The following PTK2 variants were observed in gnomAD, a reference collection of about 807,000 sequenced individuals.
The protein encoded by PTK2 is focal adhesion kinase 1.
Under a neutral mutation model 150.1 loss-of-function variants are expected in PTK2, and 45 were observed. That is an observed-to-expected ratio of 0.30 (90% CI 0.24 to 0.38). The LOEUF is 0.38. Ranked by LOEUF, PTK2 falls within the 10% of genes least tolerant of loss-of-function variation. The pLI is 1.00. For synonymous variants in PTK2, 432 were observed against 449.2 expected (o/e 0.96, Z 0.48); for missense variants, 919 against 1,307.3 (o/e 0.70, Z 4.58).
At chr8:140,941,517 A>G (rs1420674367) in intron 1 of PTK2, among the ~76,000 whole-genome samples, 1 of 152,214 alleles carries the variant, frequency 6.6e-6, no homozygotes, top group Non-Finnish European at 1.5e-5. Flanking sequence ...TATCCTGAAG[A>G]TCGTAAAATG....
intron 14 of PTK2, among the ~76,000 whole-genome samples, chr8:140,780,829 G>A (rs562052803): frequency 1.3e-5 from 2 of 152,294 alleles, no homozygotes; most frequent in South Asian, 2.1e-4. Context: ...GATTATGTGT[G>A]TATGTAAGTG....
At chr8:140,748,144 C>T (rs1230443463) in intron 17 of PTK2, among the ~76,000 whole-genome samples, 2 of 152,126 alleles carry the variant, frequency 1.3e-5, no homozygotes, top group Non-Finnish European at 2.9e-5. Context: ...ATGGTTCCTG[C>T]ATCCACCACT....
At chr8:140,900,606 C>T (rs2100158067) in intron 2 of PTK2, among the ~76,000 whole-genome samples, 1 of 151,954 alleles carries the variant, frequency 6.6e-6, no homozygotes, top group African/African-American at 2.4e-5. Context: ...CCTGTAATCC[C>T]AGCTACTCGA....
chr8:140,817,734 G>A (rs1469250278), intron 10 of PTK2, among the ~76,000 whole-genome samples: 1 of 152,172 alleles, frequency 6.6e-6, no homozygotes, highest in Non-Finnish European at 1.5e-5. Flanking sequence ...AATAATACTT[G>A]TTGGAAGAAT....
chr8:140,822,556 G>T (rs2100109410), intron 8 of PTK2: 1 of 152,138 alleles, frequency 6.6e-6, no homozygotes, highest in South Asian at 2.1e-4. Flanking sequence ...TTCTAATCCA[G>T]AACTACTTGA....
chr8:140,793,799 A>G (rs1415859426), intron 12 of PTK2, among the ~76,000 whole-genome samples: 9 of 152,226 alleles, frequency 5.9e-5, no homozygotes, highest in Admixed American at 6.5e-5. Context: ...AAGGAAAACA[A>G]TTCTACAGGT....
intron 7 of PTK2, among the ~76,000 whole-genome samples, chr8:140,836,927 T>C (rs1349084999): frequency 6.6e-6 from 1 of 152,212 alleles, no homozygotes; most frequent in African/African-American, 2.4e-5. Flanking sequence ...GATGGTTCAT[T>C]TAAAATAATT....
At chr8:140,897,988 T>C (rs1047397241) in intron 2 of PTK2, among the ~76,000 whole-genome samples, 5 of 152,176 alleles carry the variant, frequency 3.3e-5, no homozygotes, top group Non-Finnish European at 7.3e-5. Context: ...TTTCAATAAA[T>C]TATCAAGGCA....
intron 2 of PTK2, among the ~76,000 whole-genome samples, chr8:140,907,154 T>C (rs1476941042): frequency 2.0e-5 from 3 of 152,164 alleles, no homozygotes; most frequent in African/African-American, 7.2e-5. Flanking sequence ...ATATTAGACA[T>C]TCCAACACAT....
intron 1 of PTK2, among the ~76,000 whole-genome samples, chr8:140,982,303 A>T (rs961199880): frequency 6.6e-6 from 1 of 152,244 alleles, no homozygotes; most frequent in African/African-American, 2.4e-5. Context: ...CTGCATCATT[A>T]AGATAGATAC....
At chr8:140,744,542 C>T in intron 19 of PTK2, 110 bp downstream of exon 22, 1 of 553,312 alleles carries the variant, frequency 1.8e-6, no homozygotes, top group South Asian at 4.2e-5. Context: ...CAAAACTGTA[C>T]CAAAGGGGAC....
intron 22 of PTK2, among the ~76,000 whole-genome samples, chr8:140,726,729 C>G (rs1047357847): frequency 1.3e-5 from 2 of 152,030 alleles, no homozygotes; most frequent in Non-Finnish European, 1.5e-5. Flanking sequence ...ATCTGCACCA[C>G]AAGAAATGCT....
intron 10 of PTK2, among the ~76,000 whole-genome samples, chr8:140,811,390 T>TAAAC (rs759409869): frequency 6.6e-6 from 1 of 152,008 alleles, no homozygotes; most frequent in Non-Finnish European, 1.5e-5. Flanking sequence ...TCAAATAGGA[T>TAAAC]AAACAAACAA....
intron 7 of PTK2, among the ~76,000 whole-genome samples, chr8:140,839,788 T>C (rs1598133523): frequency 6.6e-6 from 1 of 152,194 alleles, no homozygotes; most frequent in Admixed American, 6.5e-5. Context: ...TAGTGGCATA[T>C]ATTTTCCAGA....
intron 17 of PTK2, among the ~76,000 whole-genome samples, chr8:140,751,147 G>A (rs1305141756): frequency 6.6e-6 from 1 of 151,864 alleles, no homozygotes. Flanking sequence ...CTTTCCTGAG[G>A]TCTCTTCTTG....
intron 1 of PTK2, chr8:140,934,649 G>A (rs1263874572): frequency 6.6e-6 from 1 of 152,112 alleles, no homozygotes; most frequent in Admixed American, 6.6e-5. Context: ...CGCTCTAAGA[G>A]ATCTAAACCA....
chr8:140,812,392 C>T (rs1367530172), intron 10 of PTK2, among the ~76,000 whole-genome samples: 1 of 152,186 alleles, frequency 6.6e-6, no homozygotes, highest in Non-Finnish European at 1.5e-5. Context: ...ACAAGAGCTC[C>T]TGAAAGGAGC....
chr8:140,952,391 C>G (rs1425414524), intron 1 of PTK2, among the ~76,000 whole-genome samples: 2 of 152,130 alleles, frequency 1.3e-5, no homozygotes, highest in East Asian at 1.9e-4. Flanking sequence ...GCACAAGGGA[C>G]AGAATAGGCT....
chr8:140,999,468 C>A (rs2100199158), intron 1 of PTK2, among the ~76,000 whole-genome samples: 2 of 152,164 alleles, frequency 1.3e-5, no homozygotes, highest in Admixed American at 6.6e-5. Context: ...CCAAGGATAA[C>A]CACAAATACA....
Sources: gnomAD v4.1 joint callset for allele counts (sites outside exome capture counted in the v4.1 genomes callset) on GRCh38, gnomAD v4.1.1 for gene constraint, MANE v1.5 for transcripts, NCBI Gene and HGNC (gene_info 2026-07-23, HGNC 2026-07-21) for gene names.